GPR160: variants seen among roughly 807,000 people sequenced by gnomAD.
GPR160 encodes G protein-coupled receptor 160, also known as probable G protein-coupled receptor 160.
GPR160 carries 2 observed loss-of-function variants against 2.6 expected under a neutral mutation model. The ratio of observed to expected loss-of-function variants is 0.77; its 90% CI spans 0.32 to 2.44. The LOEUF is 2.44. GPR160 is among the 30% of genes most tolerant of loss of function. The pLI is 0.11. For missense variants in GPR160, 351 were observed against 383.6 expected (o/e 0.91, Z 0.71); for synonymous variants, 130 against 132.2 (o/e 0.98, Z 0.12).
At chr3:170,058,812 A>G (rs1480447987) in intron 2 of GPR160, among the ~76,000 whole-genome samples, 1 of 152,228 alleles carries the variant, frequency 6.6e-6, no homozygotes, top group African/African-American at 2.4e-5. Context: ...ATGTCCACTC[A>G]TAGAACTCTG....
intron 2 of GPR160, among the ~76,000 whole-genome samples, chr3:170,072,654 G>A (rs921047774): frequency 2.6e-5 from 4 of 151,998 alleles, no homozygotes; most frequent in Non-Finnish European, 4.4e-5. Context: ...GGGAGCAATG[G>A]GAAGAGAAGG....
Position 170,084,997 on chromosome 3 carries a change from A to T in GPR160, c.*8A>T. The T allele has an allele frequency of 1.5e-6, 2 of 1,320,246 alleles. No homozygotes were observed. Among genetic ancestry groups the T allele is most frequent in the Non-Finnish European group, 2.1e-6 (2 of 962,724 alleles). The allele number at this position is 1,320,246 out of a possible 1,614,324, so 81.8% of individuals were successfully genotyped here. A position where few individuals can be genotyped will look rare whatever the true frequency, so the allele number is the denominator to read the frequency against. On this transcript the variant is annotated 3_prime_UTR_variant, in exon 4 of 4. Transcript: ENST00000355897. ...TCAATAATGATTTGTTAATATTATT[A>T]ATTAAAAGTTACAGCTGTCATAAGA...
chr3:170,062,631 C>G lies in GPR160; in HGVS notation c.-192-17143C>G, dbSNP rs906297549. Reference sequence around the variant, plus strand: ...GAACTTCCAAAACCTCCGGCCTCGTCTTGTGATTCCACCAATGCAGCCATC... The same window carrying G: ...GAACTTCCAAAACCTCCGGCCTCGTGTTGTGATTCCACCAATGCAGCCATC... On this transcript the variant is annotated intron_variant, in intron 2 of 3. Transcript: ENST00000355897. 13 of 1,407,144 alleles carry G rather than the reference C, an allele frequency of 9.2e-6. No individual in the cohort carries two copies. The African/African-American group carries it at 1.3e-4, about 14-fold the overall frequency. 87.2% of individuals were successfully genotyped at this position (1,407,144 alleles called of 1,614,324 possible).
At chr3:170,049,402 A>G (rs920072479) in intron 2 of GPR160, among the ~76,000 whole-genome samples, 1 of 152,204 alleles carries the variant, frequency 6.6e-6, no homozygotes, top group African/African-American at 2.4e-5. Flanking sequence ...GTGGGCTATT[A>G]TAAGTATGCC....
chr3:170,044,153 C>T (rs112733915), intron 2 of GPR160, among the ~76,000 whole-genome samples: 3,814 of 151,726 alleles, frequency 0.025, 147 homozygotes, highest in East Asian at 0.083. Context: ...GGAGAAACCT[C>T]GTCTCTACTA....
intron 2 of GPR160, among the ~76,000 whole-genome samples, chr3:170,045,836 C>G (rs1716697005): frequency 6.6e-6 from 1 of 152,090 alleles, no homozygotes. Context: ...TCAGCCAGAT[C>G]CCTGGGTTTC....
intron 2 of GPR160, among the ~76,000 whole-genome samples, chr3:170,055,674 C>G (rs996157633): frequency 5.9e-5 from 9 of 152,142 alleles, no homozygotes; most frequent in Admixed American, 2.0e-4. Flanking sequence ...TCGCTCTGTC[C>G]CCCAGGCTGG....
At chr3:170,049,019 G>A (rs918043886) in intron 2 of GPR160, among the ~76,000 whole-genome samples, 3 of 152,132 alleles carry the variant, frequency 2.0e-5, no homozygotes, top group Admixed American at 6.6e-5. Context: ...GTGAATATAC[G>A]TACATTTTTC....
intron 2 of GPR160, among the ~76,000 whole-genome samples, chr3:170,067,645 C>T (rs1025859906): frequency 5.9e-5 from 9 of 152,170 alleles, no homozygotes; most frequent in African/African-American, 2.2e-4. Flanking sequence ...ATCACAGTCC[C>T]TCGCTTCCCC....
intron 3 of GPR160, among the ~76,000 whole-genome samples, chr3:170,082,481 C>T (rs1713181826): frequency 6.6e-6 from 1 of 152,182 alleles, no homozygotes; most frequent in Non-Finnish European, 1.5e-5. Flanking sequence ...GAGCACTGAC[C>T]TGATGCTCAA....
At chr3:170,043,872 A>G (rs901154258) in intron 2 of GPR160, among the ~76,000 whole-genome samples, 15 of 152,162 alleles carry the variant, frequency 9.9e-5, no homozygotes, top group Non-Finnish European at 1.6e-4. Context: ...CCCAACGGCA[A>G]TACTAGAGCA....
chr3:170,039,701 T>TC (rs1716365868), intron 2 of GPR160, among the ~76,000 whole-genome samples: 2 of 152,212 alleles, frequency 1.3e-5, no homozygotes, highest in Non-Finnish European at 2.9e-5. Context: ...AGAGCGAGAC[T>TC]CCGTCTCAAA....
At chr3:170,041,747 C>T (rs1401975204) in intron 2 of GPR160, among the ~76,000 whole-genome samples, 1 of 152,064 alleles carries the variant, frequency 6.6e-6, no homozygotes, top group Non-Finnish European at 1.5e-5. Context: ...TGGTTTGTGG[C>T]TCTGTTTTCT....
At chr3:170,048,067 G>C (rs183276137) in intron 2 of GPR160, among the ~76,000 whole-genome samples, 543 of 152,316 alleles carry the variant, frequency 3.6e-3, no homozygotes, top group Middle Eastern at 6.8e-3. Flanking sequence ...GACCTCAGGT[G>C]ATCCACCCGC....
chr3:170,045,821 T>C (rs905735556), intron 2 of GPR160, among the ~76,000 whole-genome samples: 1 of 152,186 alleles, frequency 6.6e-6, no homozygotes, highest in African/African-American at 2.4e-5. Context: ...GTCTTGAGTA[T>C]GGACTCAGCC....
chr3:170,043,099 T>C (rs932917121), intron 2 of GPR160, among the ~76,000 whole-genome samples: 1 of 152,098 alleles, frequency 6.6e-6, no homozygotes, highest in Non-Finnish European at 1.5e-5. Context: ...GCCAGGATGG[T>C]CTCGATCTAC....
At chr3:170,041,002 T>C (rs991530096) in intron 2 of GPR160, among the ~76,000 whole-genome samples, 1 of 145,694 alleles carries the variant, frequency 6.9e-6, no homozygotes, top group Non-Finnish European at 1.6e-5. Context: ...AGATTTCTTT[T>C]CTCCAGATTT....
At chr3:170,079,185 G>A (rs1713009858) in intron 2 of GPR160, among the ~76,000 whole-genome samples, 1 of 152,076 alleles carries the variant, frequency 6.6e-6, no homozygotes, top group South Asian at 2.1e-4. Context: ...TCTCTTCTTC[G>A]GCCACTAGTG....
chr3:170,064,342 C>CA (rs1158597295), intron 2 of GPR160, among the ~76,000 whole-genome samples: 25 of 152,088 alleles, frequency 1.6e-4, no homozygotes, highest in Admixed American at 1.6e-3. Flanking sequence ...CCAGATCCCC[C>CA]AACCCGAACT....
Sources: allele counts gnomAD v4.1 joint callset (sites outside exome capture counted in the v4.1 genomes callset), GRCh38; gene constraint gnomAD v4.1.1; transcripts MANE v1.5; gene names NCBI Gene and HGNC (gene_info 2026-07-23, HGNC 2026-07-21).